The following NRXN3 variants were observed in gnomAD, a reference collection of about 807,000 sequenced individuals.
NRXN3 encodes the protein neurexin III.
In NRXN3, 32 loss-of-function variants were observed where a neutral mutation model predicts 137.6. The observed-to-expected ratio is 0.23, with a 90% CI of 0.18 to 0.31. The LOEUF (loss-of-function observed/expected upper bound fraction) is 0.31, where lower values mean the gene tolerates loss of function less well. Ranked by LOEUF, NRXN3 falls within the 10% of genes least tolerant of loss-of-function variation. The probability of loss-of-function intolerance (pLI) is 1.00; values close to 1 mark genes in which losing one functional copy is unlikely to be tolerated. For missense variants in NRXN3, 1,574 were observed against 2,062.5 expected (o/e 0.76, Z 4.59); for synonymous variants, 798 against 784.5 (o/e 1.02, Z -0.29).
chr14:78,907,718 G>A (rs369867178), intron 10 of NRXN3, among the ~76,000 whole-genome samples: 3 of 151,974 alleles, frequency 2.0e-5, no homozygotes, highest in African/African-American at 7.2e-5. Context: ...GGGGTTTGTT[G>A]TACCGATTAT....
chr14:78,809,304 C>T (rs565289666), intron 9 of NRXN3, among the ~76,000 whole-genome samples: 9 of 136,716 alleles, frequency 6.6e-5, no homozygotes. Flanking sequence ...AAAAAATTTT[C>T]TCTCCTCAAG....
chr14:78,964,223 A>G (rs1228990365), intron 11 of NRXN3, among the ~76,000 whole-genome samples: 3 of 152,244 alleles, frequency 2.0e-5, no homozygotes, highest in Non-Finnish European at 4.4e-5. Context: ...TTCTGAGCCA[A>G]TAGAGAAAAT....
At chr14:78,628,163 C>G (rs1215932262) in intron 4 of NRXN3, among the ~76,000 whole-genome samples, 1 of 151,594 alleles carries the variant, frequency 6.6e-6, no homozygotes, top group African/African-American at 2.4e-5. Context: ...GCCTCGAACT[C>G]CTGGGCTCAA....
chr14:79,139,965 T>C (rs2058642355), intron 15 of NRXN3, among the ~76,000 whole-genome samples: 1 of 149,994 alleles, frequency 6.7e-6, no homozygotes, highest in African/African-American at 2.4e-5. Context: ...GAGATATATA[T>C]GTATATAATG....
intron 1 of NRXN3, among the ~76,000 whole-genome samples, chr14:78,185,444 C>G (rs1259372362): frequency 6.6e-6 from 1 of 152,158 alleles, no homozygotes; most frequent in African/African-American, 2.4e-5. Context: ...ATTTCCAGCA[C>G]ATGGGTGGAG....
intron 15 of NRXN3, among the ~76,000 whole-genome samples, chr14:79,374,367 G>C (rs2094199533): frequency 6.6e-6 from 1 of 151,930 alleles, no homozygotes; most frequent in African/African-American, 2.4e-5. Flanking sequence ...TTAGAGTTTA[G>C]GCACAACTGA....
At chr14:79,425,110 C>T (rs962975566) in intron 15 of NRXN3, among the ~76,000 whole-genome samples, 2 of 152,174 alleles carry the variant, frequency 1.3e-5, no homozygotes, top group African/African-American at 4.8e-5. Flanking sequence ...TTCTTGAGTT[C>T]AAGTCCAAGT....
At chr14:79,826,261 G>C (rs1257306804) in intron 20 of NRXN3, among the ~76,000 whole-genome samples, 1 of 152,126 alleles carries the variant, frequency 6.6e-6, no homozygotes, top group Non-Finnish European at 1.5e-5. Flanking sequence ...CCAAAGTGCT[G>C]AGATTACAGG....
chr14:79,565,293 A>G (rs112817562), intron 16 of NRXN3, among the ~76,000 whole-genome samples: 21,371 of 129,988 alleles, frequency 0.16, 2,455 homozygotes, highest in East Asian at 0.37. Context: ...ATACGCACAC[A>G]TGTGTATATA....
chr14:78,269,741 C>T (rs1199576185), intron 2 of NRXN3, among the ~76,000 whole-genome samples: 1 of 152,182 alleles, frequency 6.6e-6, no homozygotes, highest in Non-Finnish European at 1.5e-5. Context: ...TCTTCTAAGA[C>T]ACTTTATTTT....
At chr14:79,354,082 A>G (rs1437659068) in intron 15 of NRXN3, among the ~76,000 whole-genome samples, 1 of 152,182 alleles carries the variant, frequency 6.6e-6, no homozygotes, top group Non-Finnish European at 1.5e-5. Flanking sequence ...AGTGAAAGTG[A>G]CACATTCTTG....
At chr14:79,578,846 A>G (rs2097689284) in intron 16 of NRXN3, among the ~76,000 whole-genome samples, 1 of 152,130 alleles carries the variant, frequency 6.6e-6, no homozygotes, top group South Asian at 2.1e-4. Flanking sequence ...AATCCCCTCA[A>G]GTCAATTTAA....
chr14:78,515,695 C>T (rs376886882), intron 4 of NRXN3, among the ~76,000 whole-genome samples: 13 of 152,014 alleles, frequency 8.6e-5, no homozygotes, highest in Admixed American at 7.2e-4. Context: ...GGATGTGCCA[C>T]TGGGGCCGAG....
At chr14:79,715,094 C>G (rs904738971) in intron 19 of NRXN3, among the ~76,000 whole-genome samples, 3 of 152,168 alleles carry the variant, frequency 2.0e-5, no homozygotes, top group African/African-American at 7.2e-5. Flanking sequence ...GCTGGGACTA[C>G]AGGTGCCCAC....
chr14:78,623,560 T>G (rs2097426196), intron 4 of NRXN3, among the ~76,000 whole-genome samples: 2 of 152,106 alleles, frequency 1.3e-5, no homozygotes. Context: ...TGCCATTCAT[T>G]TATTTTATTT....
chr14:78,319,071 C>T lies in NRXN3; in HGVS notation c.757+21211C>T, dbSNP rs948738744. The stretch of plus-strand genomic sequence containing the variant: ...TGGAGGGACAAGTCTTTGAGGCCAT[C>T]ACTTTGAATGATCTTGCAAGTGAGG... On this transcript the variant is annotated intron_variant, in intron 4 of 20. Transcript: ENST00000335750. Among the ~76,000 whole-genome samples, 14 of 152,208 alleles carry T rather than the reference C, an allele frequency of 9.2e-5. No individual in the cohort carries two copies. The East Asian group carries it at 2.7e-3, about 29-fold the overall frequency.
At chr14:78,428,670 G>A (rs1285441569) in intron 4 of NRXN3, among the ~76,000 whole-genome samples, 1 of 152,102 alleles carries the variant, frequency 6.6e-6, no homozygotes, top group Non-Finnish European at 1.5e-5. Context: ...TGGAGACCCA[G>A]GAAAGCTGAT....
At chr14:78,311,715 G>GTT (rs2078000130) in intron 4 of NRXN3, among the ~76,000 whole-genome samples, 1 of 151,052 alleles carries the variant, frequency 6.6e-6, no homozygotes, top group African/African-American at 2.5e-5. Context: ...TCTTTCTTAG[G>GTT]TTTTTGATAG....
intron 15 of NRXN3, among the ~76,000 whole-genome samples, chr14:79,207,353 G>T (rs1028580146): frequency 6.6e-6 from 1 of 152,146 alleles, no homozygotes; most frequent in Non-Finnish European, 1.5e-5. Context: ...AAAAACACTA[G>T]CTTCAATTGT....
Sources: gnomAD v4.1 joint callset for allele counts (sites outside exome capture counted in the v4.1 genomes callset) on GRCh38, gnomAD v4.1.1 for gene constraint, MANE v1.5 for transcripts, NCBI Gene and HGNC (gene_info 2026-07-23, HGNC 2026-07-21) for gene names.